ELMOD1: variants seen among roughly 807,000 people sequenced by gnomAD.
ELMOD1 encodes ELMO domain-containing protein 1.
ELMOD1 carries 21 observed loss-of-function variants against 46.7 expected under a neutral mutation model. The ratio of observed to expected loss-of-function variants is 0.45; its 90% CI spans 0.32 to 0.65. The LOEUF is 0.65. Ranked by LOEUF, ELMOD1 falls within the 30% of genes least tolerant of loss-of-function variation. ELMOD1 has a pLI of 0.04. For synonymous variants in ELMOD1, 122 were observed against 138.2 expected (o/e 0.88, Z 0.82); for missense variants, 348 against 407.8 (o/e 0.85, Z 1.26).
chr11:107,625,609 C>T, intron 2 of ELMOD1: 1 of 967,508 alleles, frequency 1.0e-6, no homozygotes, highest in African/African-American at 1.8e-5. Flanking sequence ...AGCCCCATCC[C>T]TCCTGAATGG....
chr11:107,632,739 A>G (rs747032051), intron 5 of ELMOD1, among the ~76,000 whole-genome samples: 2 of 152,184 alleles, frequency 1.3e-5, no homozygotes, highest in Non-Finnish European at 2.9e-5. Context: ...TTAAGACTAC[A>G]ACTGGCAAGA....
intron 9 of ELMOD1, among the ~76,000 whole-genome samples, chr11:107,651,132 AC>A (rs1368599321): frequency 6.6e-6 from 1 of 152,218 alleles, no homozygotes; most frequent in African/African-American, 2.4e-5. Context: ...TACAGCCATG[AC>A]GGAACCTGGT....
chr11:107,607,726 C>T (rs1180087812), intron 1 of ELMOD1, among the ~76,000 whole-genome samples: 2 of 152,168 alleles, frequency 1.3e-5, no homozygotes, highest in Admixed American at 6.6e-5. Context: ...TCGCTACAGG[C>T]TTCCTTCTGA....
chr11:107,607,718 G>A (rs865847919), intron 1 of ELMOD1, among the ~76,000 whole-genome samples: 3 of 152,040 alleles, frequency 2.0e-5, no homozygotes, highest in Non-Finnish European at 4.4e-5. Flanking sequence ...AACCAAACTC[G>A]CTACAGGCTT....
At chr11:107,620,350 A>G (rs1865926783) in intron 2 of ELMOD1, 2 of 152,238 alleles carry the variant, frequency 1.3e-5, no homozygotes, top group Admixed American at 6.5e-5. Flanking sequence ...GATACATGAT[A>G]CCCAATTGCT....
chr11:107,626,312 GAC>G (rs1478593008), intron 2 of ELMOD1, among the ~76,000 whole-genome samples: 2 of 146,314 alleles, frequency 1.4e-5, no homozygotes, highest in Non-Finnish European at 3.0e-5. Context: ...TGGTACAAGA[GAC>G]AGTAAGTGGG....
chr11:107,615,450 G>A (rs1865846575), intron 1 of ELMOD1, among the ~76,000 whole-genome samples: 1 of 151,726 alleles, frequency 6.6e-6, no homozygotes, highest in South Asian at 2.1e-4. Flanking sequence ...GGCCAGGATG[G>A]TCTCGATCTC....
chr11:107,595,824 A>G (rs1865483014), intron 1 of ELMOD1, among the ~76,000 whole-genome samples: 1 of 152,138 alleles, frequency 6.6e-6, no homozygotes, highest in Non-Finnish European at 1.5e-5. Flanking sequence ...CTCAGTATCT[A>G]TAAAATAAAC....
chr11:107,664,979 G>A, intron 11 of ELMOD1, 46 bp from the exon 12 acceptor site: 1 of 1,534,292 alleles, frequency 6.5e-7, no homozygotes, highest in Non-Finnish European at 8.9e-7. Context: ...TGTGATTAAG[G>A]ATTTTTTTTT....
intron 11 of ELMOD1, among the ~76,000 whole-genome samples, chr11:107,663,305 A>G (rs1170208802): frequency 6.6e-6 from 1 of 152,138 alleles, no homozygotes; most frequent in Non-Finnish European, 1.5e-5. Flanking sequence ...TGTTAAAAAC[A>G]GTCAATTCTA....
chr11:107,595,456 A>G (rs908585174), intron 1 of ELMOD1, among the ~76,000 whole-genome samples: 31 of 152,176 alleles, frequency 2.0e-4, no homozygotes, highest in African/African-American at 7.2e-4. Context: ...GAATGTATTG[A>G]TGTTGCTAAA....
Position 107,654,194 on chromosome 11 carries a change from G to A in ELMOD1, c.670G>A (p.Glu224Lys), listed in dbSNP as rs1006717338. Residue 224 changes from glutamate (E) to lysine (K), a missense_variant, in exon 10 of 12, where the codon GAG (glutamate) becomes AAG (lysine). Transcript: ENST00000265840. The stretch of plus-strand genomic sequence containing the variant: ...CAGCAAATTCAGCAAAGCAGAATGG[G>A]AGAAGAAAAGGATGGATAAGGCAAT... ...EISKFSKAEWEKKRMDKAIGY... is the reference protein window; with the variant it reads ...EISKFSKAEWKKKRMDKAIGY... 6.3e-7 allele frequency: 1 copy of A among 1,590,602 alleles called. No individual in the cohort carries two copies. The highest frequency in any genetic ancestry group is 8.6e-7 in the Non-Finnish European group (1 of 1,167,682).
At chr11:107,632,806 C>A (rs1049396123) in intron 5 of ELMOD1, among the ~76,000 whole-genome samples, 1 of 152,152 alleles carries the variant, frequency 6.6e-6, no homozygotes, top group Non-Finnish European at 1.5e-5. Context: ...AATAGCAAAT[C>A]TTTTCTATGA....
intron 6 of ELMOD1, among the ~76,000 whole-genome samples, chr11:107,644,514 G>T (rs1866384088): frequency 6.6e-6 from 1 of 151,664 alleles, no homozygotes; most frequent in Non-Finnish European, 1.5e-5. Context: ...TCGCTCTGTA[G>T]CCCAGGCTGG....
intron 1 of ELMOD1, among the ~76,000 whole-genome samples, chr11:107,611,014 A>AG (rs1555061117): frequency 7.0e-6 from 1 of 142,750 alleles, no homozygotes; most frequent in African/African-American, 2.4e-5. Context: ...AAAAAAAAAA[A>AG]AAAGAAAACC....
intron 11 of ELMOD1, among the ~76,000 whole-genome samples, chr11:107,662,351 C>G (rs1359574529): frequency 6.6e-6 from 1 of 152,212 alleles, no homozygotes; most frequent in Admixed American, 6.5e-5. Context: ...TGGCTCACGC[C>G]TGTAATCCCA....
At chr11:107,630,751 A>G in intron 4 of ELMOD1, 23 bp downstream of exon 4, 1 of 1,585,326 alleles carries the variant, frequency 6.3e-7, no homozygotes. Context: ...ATTTTTCAGC[A>G]GCTTTTTTTT....
At chr11:107,629,762 A>G (rs1483444406) in intron 2 of ELMOD1, among the ~76,000 whole-genome samples, 1 of 152,180 alleles carries the variant, frequency 6.6e-6, no homozygotes, top group East Asian at 1.9e-4. Flanking sequence ...CACGTCTAGG[A>G]AAATCAAAGG....
chr11:107,637,340 A>G (rs1288734793), intron 6 of ELMOD1, among the ~76,000 whole-genome samples: 3 of 152,198 alleles, frequency 2.0e-5, no homozygotes, highest in East Asian at 1.9e-4. Context: ...GGGGAAAGGC[A>G]TCATTTCTGC....
Sources: gnomAD v4.1 joint callset for allele counts (sites outside exome capture counted in the v4.1 genomes callset) on GRCh38, gnomAD v4.1.1 for gene constraint, MANE v1.5 for transcripts, NCBI Gene and HGNC (gene_info 2026-07-23, HGNC 2026-07-21) for gene names.